ADAMTS14: variants seen among roughly 807,000 people sequenced by gnomAD.
The protein encoded by ADAMTS14 is A disintegrin and metalloproteinase with thrombospondin motifs 14.
In ADAMTS14, 100 loss-of-function variants were observed where a neutral mutation model predicts 128.6. That is an observed-to-expected ratio of 0.78 (90% CI 0.66 to 0.92). The LOEUF (loss-of-function observed/expected upper bound fraction) is 0.92, where lower values mean the gene tolerates loss of function less well. ADAMTS14 is among the 40% of genes least tolerant of loss of function. ADAMTS14 has a pLI of 0.00. For synonymous variants in ADAMTS14, 665 were observed against 653.8 expected, an observed-to-expected ratio of 1.02 and a Z score of -0.26; for missense variants, 1,562 against 1,658.6, an observed-to-expected ratio of 0.94 and a Z score of 1.01.
At chr10:70,712,278 C>T (rs1429503055) in intron 4 of ADAMTS14, among the ~76,000 whole-genome samples, 2 of 152,110 alleles carry the variant, frequency 1.3e-5, no homozygotes, top group African/African-American at 4.8e-5. Flanking sequence ...GTAGGGGAGA[C>T]CTCAGGATGC....
chr10:70,750,920 C>CT (rs1842330956), intron 16 of ADAMTS14, among the ~76,000 whole-genome samples: 1 of 152,140 alleles, frequency 6.6e-6, no homozygotes, highest in African/African-American at 2.4e-5. Context: ...AGGGGCAAAT[C>CT]TTTATGACCT....
At chr10:70,749,638 C>T (rs547110144) in intron 15 of ADAMTS14, among the ~76,000 whole-genome samples, 184 bp from the exon 16 acceptor site, 8 of 95,650 alleles carry the variant, frequency 8.4e-5, no homozygotes, top group African/African-American at 1.5e-4. Context: ...TGTGTGTGTG[C>T]GCGCACGTGG....
chr10:70,725,007 T>C (rs533602250), intron 4 of ADAMTS14, among the ~76,000 whole-genome samples: 1 of 152,248 alleles, frequency 6.6e-6, no homozygotes, highest in African/African-American at 2.4e-5. Context: ...TTTTTGTTTA[T>C]CTGATAATGT....
chr10:70,715,610 G>T (rs1272663098), intron 4 of ADAMTS14, among the ~76,000 whole-genome samples: 1 of 152,146 alleles, frequency 6.6e-6, no homozygotes, highest in Non-Finnish European at 1.5e-5. Context: ...GCGAAGTTTG[G>T]AAGGTAGTGG....
Position 70,741,136 on chromosome 10 carries a change from G to A in ADAMTS14, c.1898G>A (p.Ser633Asn), listed in dbSNP as rs759519213. 2.7e-5 allele frequency: 44 copies of A among 1,613,606 alleles called. No homozygotes were observed. Among genetic ancestry groups the A allele is most frequent in the Non-Finnish European group, 3.6e-5 (42 of 1,179,956 alleles). Residue 633 changes from serine (S) to asparagine (N), a missense_variant, in exon 12 of 22, where the codon AGC (serine) becomes AAC (asparagine). Physicochemically the swap from Ser to Asn is conservative, Grantham distance 46 (BLOSUM62 1). Transcript: ENST00000373207. ...TATGTGCACCAGAATGCCAAGCACA[G>A]CTGGGTGCCCTACGAGCCTGACGAT... ...SYYVHQNAKHSWVPYEPDDDA... is the reference protein window; with the variant it reads ...SYYVHQNAKHNWVPYEPDDDA...
chr10:70,736,013 G>A (rs1027614369), intron 9 of ADAMTS14, among the ~76,000 whole-genome samples: 1 of 152,252 alleles, frequency 6.6e-6, no homozygotes, highest in East Asian at 1.9e-4. Context: ...CCCCAACCAT[G>A]TGTGGACACC....
In ADAMTS14 at chr10:70,750,360, C is replaced by T. The variant is rs566799538; in HGVS notation, c.2427+375C>T. On this transcript the variant is annotated intron_variant, in intron 16 of 21. Transcript: ENST00000373207. ...CAAGGGAGTCCAGGAGCAGCTTCCT[C>T]GGGCCTTTAATGCAGCTGATCCAGG... Among the ~76,000 whole-genome samples the T allele has an allele frequency of 7.2e-5, 11 of 152,262 alleles. No homozygotes were observed. The South Asian group carries it at 1.7e-3, about 23-fold the overall frequency.
At chr10:70,712,116 T>G (rs1408726525) in intron 4 of ADAMTS14, among the ~76,000 whole-genome samples, 3 of 151,968 alleles carry the variant, frequency 2.0e-5, no homozygotes, top group Admixed American at 6.6e-5. Flanking sequence ...CTGGAACACT[T>G]GACCGCCCAC....
chr10:70,740,932 C>A (rs879835821), intron 11 of ADAMTS14, 55 bp from the exon 12 acceptor site: 8 of 1,577,082 alleles, frequency 5.1e-6, no homozygotes, highest in Non-Finnish European at 6.9e-6. Context: ...GGAAACCTGG[C>A]CCTCCCCAGC....
intron 2 of ADAMTS14, among the ~76,000 whole-genome samples, chr10:70,688,017 C>G (rs1840039958): frequency 1.3e-4 from 8 of 61,688 alleles, no homozygotes; most frequent in African/African-American, 5.2e-4. Context: ...CGGAGACGCT[C>G]CTCACTTCCC....
chr10:70,752,853 TG>T (rs960495013), intron 18 of ADAMTS14, among the ~76,000 whole-genome samples: 3 of 152,138 alleles, frequency 2.0e-5, no homozygotes, highest in Non-Finnish European at 4.4e-5. Flanking sequence ...TGGGAACCGG[TG>T]GCCAGCGCTA....
At chr10:70,732,563 C>T (rs984130900) in intron 7 of ADAMTS14, among the ~76,000 whole-genome samples, 1 of 152,234 alleles carries the variant, frequency 6.6e-6, no homozygotes, top group African/African-American at 2.4e-5. Context: ...AGCCAAGGGG[C>T]ATGAGTAGTA....
chr10:70,740,764 A>T (rs1841970562), intron 11 of ADAMTS14, among the ~76,000 whole-genome samples: 1 of 152,198 alleles, frequency 6.6e-6, no homozygotes. Context: ...TAGGTGGTGT[A>T]TGTCTGAAGG....
chr10:70,715,054 G>A (rs553380585), intron 4 of ADAMTS14, among the ~76,000 whole-genome samples: 2 of 152,006 alleles, frequency 1.3e-5, no homozygotes, highest in Non-Finnish European at 2.9e-5. Flanking sequence ...GGAAAGACAA[G>A]TGGGTTTTTA....
chr10:70,740,133 C>T (rs1023060268), intron 11 of ADAMTS14, among the ~76,000 whole-genome samples: 4 of 152,180 alleles, frequency 2.6e-5, no homozygotes, highest in Non-Finnish European at 4.4e-5. Flanking sequence ...GCTCTCAGCA[C>T]CATGCTCACA....
chr10:70,740,700 G>T (rs566684367), intron 11 of ADAMTS14, among the ~76,000 whole-genome samples: 1 of 152,332 alleles, frequency 6.6e-6, no homozygotes, highest in African/African-American at 2.4e-5. Flanking sequence ...GCTGGAGAGG[G>T]TTAGTCAGTC....
At chr10:70,731,526 G>A (rs1260034515) in intron 6 of ADAMTS14, among the ~76,000 whole-genome samples, 3 of 152,184 alleles carry the variant, frequency 2.0e-5, no homozygotes, top group African/African-American at 7.2e-5. Flanking sequence ...CAGGCCTCAT[G>A]CATGGTAGTG....
intron 8 of ADAMTS14, among the ~76,000 whole-genome samples, chr10:70,734,267 A>G (rs1841750409): frequency 6.6e-6 from 1 of 152,198 alleles, no homozygotes; most frequent in Admixed American, 6.5e-5. Flanking sequence ...TTAAAAATGC[A>G]GACCCCCTGG....
chr10:70,719,202 C>A (rs2132641350), intron 4 of ADAMTS14, among the ~76,000 whole-genome samples: 1 of 152,158 alleles, frequency 6.6e-6, no homozygotes, highest in Admixed American at 6.5e-5. Context: ...GGTATTAGTT[C>A]CAATTGCCAC....
Sources: gnomAD v4.1 joint callset for allele counts (sites outside exome capture counted in the v4.1 genomes callset) on GRCh38, gnomAD v4.1.1 for gene constraint, MANE v1.5 for transcripts, NCBI Gene and HGNC (gene_info 2026-07-23, HGNC 2026-07-21) for gene names.